The following SPPL2A variants were observed in gnomAD, a reference collection of about 807,000 sequenced individuals.
The protein encoded by SPPL2A is signal peptide peptidase-like 2A.
A neutral mutation model predicts 63.8 loss-of-function variants in SPPL2A; 51 were observed. The observed-to-expected ratio is 0.80, with a 90% CI of 0.64 to 1.01. The LOEUF is 1.01. SPPL2A is among the 50% of genes least tolerant of loss of function. The probability of loss-of-function intolerance (pLI) is 0.00; values close to 1 mark genes in which losing one functional copy is unlikely to be tolerated. For missense variants in SPPL2A, 553 were observed against 622.7 expected, an observed-to-expected ratio of 0.89 and a Z score of 1.19; for synonymous variants, 188 against 205.8, an observed-to-expected ratio of 0.91 and a Z score of 0.74.
At chr15:50,720,213 A>G (rs1216655508) in intron 13 of SPPL2A, 113 bp from the exon 14 acceptor site, 1 of 774,422 alleles carries the variant, frequency 1.3e-6, no homozygotes, top group African/African-American at 1.8e-5. Context: ...TTTTTGCTCT[A>G]TGACTTCTTG....
chr15:50,712,900 T>TG (rs1184273568), intron 14 of SPPL2A, among the ~76,000 whole-genome samples: 6 of 152,012 alleles, frequency 3.9e-5, no homozygotes, highest in Admixed American at 2.0e-4. Context: ...TTGGTCAGGC[T>TG]GTCTCAAACT....
chr15:50,745,169 G>A (rs2062848613), intron 5 of SPPL2A, among the ~76,000 whole-genome samples: 1 of 151,962 alleles, frequency 6.6e-6, no homozygotes, highest in African/African-American at 2.4e-5. Flanking sequence ...GTTCTGTTTT[G>A]AGATGGAGTT....
At chr15:50,760,683 C>T (rs1309892130) in intron 1 of SPPL2A, among the ~76,000 whole-genome samples, 1 of 152,068 alleles carries the variant, frequency 6.6e-6, no homozygotes, top group Non-Finnish European at 1.5e-5. Flanking sequence ...GTTATGGCTT[C>T]ACCATATGAA....
chr15:50,757,175 G>C (rs1369705071), intron 1 of SPPL2A, among the ~76,000 whole-genome samples: 1 of 149,762 alleles, frequency 6.7e-6, no homozygotes, highest in Non-Finnish European at 1.5e-5. Context: ...CTCCGCCTCT[G>C]GGATTCACGC....
At chr15:50,731,542 T>C (rs1349046287) in intron 9 of SPPL2A, among the ~76,000 whole-genome samples, 1 of 151,156 alleles carries the variant, frequency 6.6e-6, no homozygotes, top group Non-Finnish European at 1.5e-5. Context: ...TGAAACTCTG[T>C]CTTGGAAAAA....
At chr15:50,753,033 A>G (rs2062923424) in intron 1 of SPPL2A, among the ~76,000 whole-genome samples, 1 of 152,226 alleles carries the variant, frequency 6.6e-6, no homozygotes, top group Admixed American at 6.6e-5. Context: ...GTATAAGGAT[A>G]TTAACTGTAA....
intron 6 of SPPL2A, among the ~76,000 whole-genome samples, chr15:50,738,432 C>T (rs1467105130): frequency 1.3e-5 from 2 of 151,586 alleles, no homozygotes; most frequent in Non-Finnish European, 2.9e-5. Flanking sequence ...ACCTGTAATC[C>T]CAGCTACTCA....
chr15:50,742,954 CTAAAT>C (rs1283715463), intron 5 of SPPL2A: 1 of 152,174 alleles, frequency 6.6e-6, no homozygotes, highest in African/African-American at 2.4e-5. Context: ...CATAGGCCAG[CTAAAT>C]TACTTGGGAG....
Position 50,703,354 on chromosome 15 carries a change from A to ATTTT in SPPL2A, c.*4445_*4446insAAAA, listed in dbSNP as rs1393595683. On this transcript the variant is annotated 3_prime_UTR_variant, in exon 15 of 15. Transcript: ENST00000261854. ...TATATATATATATATATACATATAT[A>ATTTT]TATTTTTTTTTTTTTTTTTTTTTTT... is the stretch of plus-strand genomic sequence containing the variant. 3.1e-3 allele frequency: 206 copies of ATTTT among 65,768 alleles called. 6 individuals are homozygous for ATTTT. Among genetic ancestry groups the ATTTT allele is most frequent in the Non-Finnish European group, 4.2e-3 (146 of 34,972 alleles). The allele number at this position is 65,768 out of a possible 1,614,324, so 4.1% of individuals were successfully genotyped here. A position where few individuals can be genotyped will look rare whatever the true frequency, so the allele number is the denominator to read the frequency against.
At chr15:50,760,823 A>C (rs2063003725) in intron 1 of SPPL2A, among the ~76,000 whole-genome samples, 1 of 152,192 alleles carries the variant, frequency 6.6e-6, no homozygotes. Flanking sequence ...ACAGAGCAGA[A>C]GAGAAAGAAT....
intron 10 of SPPL2A, 87 bp from the exon 11 acceptor site, chr15:50,726,464 A>G: frequency 8.1e-7 from 1 of 1,231,458 alleles, no homozygotes; most frequent in Non-Finnish European, 1.2e-6. Flanking sequence ...CCCATGGCAT[A>G]TGGCCAGTTA....
intron 14 of SPPL2A, among the ~76,000 whole-genome samples, chr15:50,712,702 C>T (rs1161193924): frequency 4.6e-5 from 5 of 109,810 alleles, no homozygotes; most frequent in East Asian, 3.3e-4. Context: ...TTTCTCGAGG[C>T]GGAGTCTTGC....
intron 4 of SPPL2A, 122 bp from the exon 5 acceptor site, chr15:50,747,750 A>C: frequency 1.4e-6 from 1 of 695,986 alleles, no homozygotes; most frequent in Non-Finnish European, 2.5e-6. Context: ...AGAAGACTAG[A>C]ATTATTGTCT....
chr15:50,731,258 T>C (rs2062728961), intron 9 of SPPL2A, among the ~76,000 whole-genome samples: 1 of 152,150 alleles, frequency 6.6e-6, no homozygotes, highest in Non-Finnish European at 1.5e-5. Context: ...ACCAAAGAAA[T>C]GTGCTGGGTT....
rs141409264 is a variant in SPPL2A, at chr15:50,736,665, T to G, written c.809A>C (p.Lys270Thr). The change falls in exon 7 of 15, where the codon AAG becomes ACG. Residue 270 changes from lysine (K) to threonine (T), a missense_variant. Coordinates refer to ENST00000261854, the MANE Select transcript of SPPL2A (RefSeq NM_032802.4). ...LYNCLAALIH[K>T]IPYGQCTIAC... is the part of the protein sequence containing the mutation. ...GTACGTGCATTGTCCATATGGTATC[T>G]TATGAATTAGTGCAGCAAGACAGTT... 2 of 1,594,720 alleles carry G rather than the reference T, an allele frequency of 1.3e-6. No homozygotes were observed. Among genetic ancestry groups the G allele is most frequent in the African/African-American group, 2.7e-5 (2 of 74,538 alleles).
At chr15:50,735,959 G>A in intron 8 of SPPL2A, 142 bp downstream of exon 8, 1 of 567,928 alleles carries the variant, frequency 1.8e-6, no homozygotes. Context: ...CATAAGATCT[G>A]CTTATTTAAG....
At chr15:50,763,462 T>A (rs2063029590) in intron 1 of SPPL2A, among the ~76,000 whole-genome samples, 1 of 152,198 alleles carries the variant, frequency 6.6e-6, no homozygotes, top group African/African-American at 2.4e-5. Flanking sequence ...ATCAGGACAT[T>A]ACATCCCATA....
intron 1 of SPPL2A, 25 bp from the exon 2 acceptor site, chr15:50,749,771 A>G: frequency 7.1e-7 from 1 of 1,413,468 alleles, no homozygotes; most frequent in Non-Finnish European, 1.0e-6. Flanking sequence ...ATAACTTTCA[A>G]ACTTGCAATG....
At chr15:50,763,555 A>C (rs1398960829) in intron 1 of SPPL2A, among the ~76,000 whole-genome samples, 1 of 152,168 alleles carries the variant, frequency 6.6e-6, no homozygotes, top group Non-Finnish European at 1.5e-5. Flanking sequence ...GGAATATAGA[A>C]CCCGAGATTA....
Sources: allele counts gnomAD v4.1 joint callset (sites outside exome capture counted in the v4.1 genomes callset), GRCh38; gene constraint gnomAD v4.1.1; transcripts MANE v1.5; gene names NCBI Gene and HGNC (gene_info 2026-07-23, HGNC 2026-07-21).